The following CDK6 variants were observed in gnomAD, a reference collection of about 807,000 sequenced individuals.
The protein encoded by CDK6 is cyclin-dependent kinase 6.
CDK6 carries 6 observed loss-of-function variants against 37.1 expected under a neutral mutation model. The ratio of observed to expected loss-of-function variants is 0.16; its 90% CI spans 0.09 to 0.32. The LOEUF (loss-of-function observed/expected upper bound fraction) is 0.32. Ranked by LOEUF, CDK6 falls within the 10% of genes least tolerant of loss-of-function variation. The probability of loss-of-function intolerance (pLI) is 1.00; values close to 1 mark genes in which losing one functional copy is unlikely to be tolerated. For missense variants in CDK6, 224 were observed against 418.9 expected, an observed-to-expected ratio of 0.53 and a Z score of 4.06; for synonymous variants, 160 against 161.3, an observed-to-expected ratio of 0.99 and a Z score of 0.06.
At chr7:92,665,858 ATG>A (rs370067165) in intron 5 of CDK6, among the ~76,000 whole-genome samples, 54 of 152,360 alleles carry the variant, frequency 3.5e-4, no homozygotes, top group African/African-American at 1.2e-3. Context: ...TCAGGCAGAC[ATG>A]GGGTCTTGGC....
chr7:92,739,642 T>C (rs919764498), intron 3 of CDK6, among the ~76,000 whole-genome samples: 1 of 152,274 alleles, frequency 6.6e-6, no homozygotes, highest in African/African-American at 2.4e-5. Flanking sequence ...TCCATGGCCC[T>C]TGCCAAGTAG....
intron 6 of CDK6, among the ~76,000 whole-genome samples, chr7:92,619,507 G>A (rs186719584): frequency 1.5e-3 from 231 of 151,544 alleles, no homozygotes; most frequent in African/African-American, 5.2e-3. Context: ...AATTGTGCTG[G>A]CCCACATTAG....
intron 2 of CDK6, among the ~76,000 whole-genome samples, chr7:92,831,678 C>A (rs576868702): frequency 6.4e-4 from 97 of 152,234 alleles, no homozygotes; most frequent in Admixed American, 4.9e-3. Context: ...CTAGCTAGGC[C>A]GAGGTATAAT....
chr7:92,836,183 A>G (rs1801666664), intron 1 of CDK6, among the ~76,000 whole-genome samples: 1 of 151,530 alleles, frequency 6.6e-6, no homozygotes, highest in African/African-American at 2.4e-5. Context: ...GTGTGTGCGT[A>G]CGGATACGTG....
At chr7:92,627,793 A>G (rs947537682) in intron 5 of CDK6, among the ~76,000 whole-genome samples, 2 of 152,140 alleles carry the variant, frequency 1.3e-5, no homozygotes, top group Non-Finnish European at 1.5e-5. Flanking sequence ...TTGTGTGGTT[A>G]TATCAATTAT....
chr7:92,692,232 C>T lies in CDK6; in HGVS notation c.538-20697G>A, dbSNP rs1275722250. 2.0e-5 allele frequency among the ~76,000 whole-genome samples: 3 copies of T among 151,824 alleles called. No homozygotes were observed. The East Asian group carries it at 5.8e-4, about 29-fold the overall frequency. ...GGTGAGTCGAGATCACACCATTGCA[C>T]TCCAGCCTGAACAAGAGTGAAACTC... On this transcript the variant is annotated intron_variant, in intron 4 of 7. Transcript: ENST00000424848.
chr7:92,615,397 G>C, intron 7 of CDK6, 111 bp from the exon 8 acceptor site: 1 of 807,838 alleles, frequency 1.2e-6, no homozygotes, highest in South Asian at 1.7e-5. Flanking sequence ...TCTACAGTGG[G>C]AATGAGTATT....
intron 4 of CDK6, among the ~76,000 whole-genome samples, chr7:92,694,272 G>C (rs1479042822): frequency 6.6e-6 from 1 of 152,000 alleles, no homozygotes; most frequent in African/African-American, 2.4e-5. Flanking sequence ...TTAGGCCCTA[G>C]TTTCTCAACT....
At chr7:92,799,676 C>A (rs764390905) in intron 2 of CDK6, among the ~76,000 whole-genome samples, 1 of 152,124 alleles carries the variant, frequency 6.6e-6, no homozygotes, top group Non-Finnish European at 1.5e-5. Context: ...CTGGTGACAG[C>A]CTAGTCATGT....
intron 2 of CDK6, among the ~76,000 whole-genome samples, chr7:92,779,120 G>A (rs1043177812): frequency 3.3e-5 from 5 of 151,912 alleles, no homozygotes; most frequent in African/African-American, 1.2e-4. Context: ...CACTGAAACC[G>A]TTTTCAAGCA....
At chr7:92,686,735 A>C (rs1288486596) in intron 4 of CDK6, among the ~76,000 whole-genome samples, 1 of 152,190 alleles carries the variant, frequency 6.6e-6, no homozygotes, top group African/African-American at 2.4e-5. Flanking sequence ...ACTAGTTTAC[A>C]TTCCCACCAA....
At chr7:92,737,513 G>A (rs1729143620) in intron 3 of CDK6, among the ~76,000 whole-genome samples, 1 of 152,096 alleles carries the variant, frequency 6.6e-6, no homozygotes, top group African/African-American at 2.4e-5. Context: ...TCTGACTATT[G>A]AGATTTCCCG....
At chr7:92,651,917 C>A (rs1796583254) in intron 5 of CDK6, among the ~76,000 whole-genome samples, 2 of 152,036 alleles carry the variant, frequency 1.3e-5, no homozygotes, top group South Asian at 4.2e-4. Flanking sequence ...GGAAGCACAT[C>A]AATATTTTAA....
chr7:92,797,997 C>A (rs539999640), intron 2 of CDK6, among the ~76,000 whole-genome samples: 1 of 152,302 alleles, frequency 6.6e-6, no homozygotes, highest in Non-Finnish European at 1.5e-5. Flanking sequence ...GCCACTATAA[C>A]AGATGACTCT....
chr7:92,619,894 C>A (rs1027515686), intron 6 of CDK6, among the ~76,000 whole-genome samples: 5 of 151,764 alleles, frequency 3.3e-5, no homozygotes, highest in Admixed American at 2.0e-4. Flanking sequence ...AAGAAAAAAA[C>A]CAAAAATACC....
intron 2 of CDK6, among the ~76,000 whole-genome samples, chr7:92,778,304 CATTT>C (rs1403439350): frequency 1.3e-5 from 2 of 152,112 alleles, no homozygotes; most frequent in Non-Finnish European, 2.9e-5. Flanking sequence ...TTTTTCCTCA[CATTT>C]ATCTACTTCT....
At chr7:92,728,354 T>C (rs976135919) in intron 3 of CDK6, among the ~76,000 whole-genome samples, 1 of 152,216 alleles carries the variant, frequency 6.6e-6, no homozygotes, top group African/African-American at 2.4e-5. Flanking sequence ...GATGTATAAG[T>C]ATATTTAAGT....
intron 4 of CDK6, among the ~76,000 whole-genome samples, chr7:92,691,677 A>G (rs1797602895): frequency 6.6e-6 from 1 of 152,226 alleles, no homozygotes; most frequent in South Asian, 2.1e-4. Context: ...AACTATATAG[A>G]TTACACGTGC....
chr7:92,646,955 C>T (rs1481800049), intron 5 of CDK6, among the ~76,000 whole-genome samples: 1 of 152,084 alleles, frequency 6.6e-6, no homozygotes, highest in Admixed American at 6.5e-5. Flanking sequence ...AAAAAAATGA[C>T]TAAACTCTAC....
Sources: gnomAD v4.1 joint callset for allele counts (sites outside exome capture counted in the v4.1 genomes callset) on GRCh38, gnomAD v4.1.1 for gene constraint, MANE v1.5 for transcripts, NCBI Gene and HGNC (gene_info 2026-07-23, HGNC 2026-07-21) for gene names.